Variants in PLB1 observed in about 807,000 individuals in gnomAD.
The protein encoded by PLB1 is phospholipase B1, membrane-associated.
In PLB1, 242 loss-of-function variants were observed where a neutral mutation model predicts 227.4. That is an observed-to-expected ratio of 1.06 (90% CI 0.96 to 1.18). PLB1 has a LOEUF of 1.18. Ranked by LOEUF, PLB1 falls within the 50% of genes most tolerant of loss-of-function variation. The pLI, the probability that PLB1 is intolerant of heterozygous loss-of-function variation, is 0.00. For synonymous variants in PLB1, 757 were observed against 682.2 expected (o/e 1.11, Z -1.71); for missense variants, 1,858 against 1,816.3 (o/e 1.02, Z -0.42).
rs143108189 is a variant in PLB1 at position 28,523,135 on chromosome 2, C to T, written c.244-2132C>T. ...GAAGTTCTGCAAATAACACTTGTGA[C>T]ACATGTTCAATATAAGAAAAAACAG... On this transcript the variant is annotated intron_variant, in intron 4 of 57. Coordinates refer to ENST00000327757, the MANE Select transcript of PLB1 (RefSeq NM_153021.5). Among the ~76,000 whole-genome samples the T allele has an allele frequency of 8.1e-3, 1,232 of 152,172 alleles. 23 individuals carry two copies. Among genetic ancestry groups the T allele is most frequent in the African/African-American group, 0.028 (1,179 of 41,474 alleles).
intron 56 of PLB1, among the ~76,000 whole-genome samples, chr2:28,636,037 GTGTGTATGTA>G (rs368910376): frequency 9.9e-6 from 1 of 101,242 alleles, no homozygotes; most frequent in Non-Finnish European, 2.4e-5. Context: ...GTATGTGTGT[GTGTGTATGTA>G]TGTGTATGTG....
chr2:28,515,194 A>G (rs1263568173), intron 1 of PLB1, among the ~76,000 whole-genome samples: 3 of 152,104 alleles, frequency 2.0e-5, no homozygotes, highest in African/African-American at 7.2e-5. Flanking sequence ...ATAGTCTCAA[A>G]TCTCTGCCCT....
chr2:28,634,552 A>G (rs1220967359), intron 56 of PLB1, among the ~76,000 whole-genome samples: 1 of 152,184 alleles, frequency 6.6e-6, no homozygotes, highest in Non-Finnish European at 1.5e-5. Context: ...CTGGGGCTGG[A>G]TAGCCATAGT....
rs770298616 is a variant in PLB1 at position 28,578,148 on chromosome 2, A to G, written c.1475A>G (p.Lys492Arg). The part of the protein sequence containing the change: ...VQARRLVDLM[K>R]NDTRIHFQED... ...GCCAGGAGGCTGGTGGACCTGATGA[A>G]GAATGACACGGTGGGTCCCTGGGAT... is the stretch of plus-strand genomic sequence containing the variant. Residue 492 changes from lysine (K) to arginine (R), a missense_variant, in exon 22 of 58, where the codon AAG becomes AGG. By Grantham distance (26) the Lys-to-Arg change is conservative. Coordinates refer to ENST00000327757, the MANE Select transcript of PLB1 (RefSeq NM_153021.5). 3 of 1,614,136 alleles carry G rather than the reference A, an allele frequency of 1.9e-6. No individual in the cohort carries two copies. In the South Asian group the frequency reaches 3.3e-5, roughly 18 times the overall value.
intron 44 of PLB1, among the ~76,000 whole-genome samples, chr2:28,614,704 C>T (rs1235251307): frequency 6.6e-6 from 1 of 152,186 alleles, no homozygotes; most frequent in African/African-American, 2.4e-5. Context: ...GTCTGTTGGT[C>T]ACCAGGATGG....
chr2:28,524,504 A>G (rs972835927), intron 4 of PLB1, among the ~76,000 whole-genome samples: 4 of 152,262 alleles, frequency 2.6e-5, no homozygotes, highest in East Asian at 1.9e-4. Flanking sequence ...TATGGATTCA[A>G]CATATATTTG....
rs73924304 is a variant in PLB1 at position 28,619,547 on chromosome 2, A to C, written c.3316-718A>C. Among the ~76,000 whole-genome samples the C allele has an allele frequency of 3.5e-3, 504 of 143,532 alleles. 5 individuals are homozygous for C. The highest frequency in any genetic ancestry group is 0.013 in the African/African-American group (479 of 38,258). The allele number at this position is 143,532 out of a possible 152,430, so 94.2% of individuals were successfully genotyped here. Reference sequence around the variant, plus strand: ...TTGTTTTTTTTTTTTTTTTTAAGACAGGGCATTTAGAGAAAGCTGTATAGA... The same window carrying C: ...TTGTTTTTTTTTTTTTTTTTAAGACCGGGCATTTAGAGAAAGCTGTATAGA... On this transcript the variant is annotated intron_variant, in intron 46 of 57. Transcript: ENST00000327757.
intron 45 of PLB1, among the ~76,000 whole-genome samples, 185 bp downstream of exon 45, chr2:28,617,972 T>C (rs372983188): frequency 1.4e-4 from 22 of 152,310 alleles, no homozygotes; most frequent in Non-Finnish European, 2.8e-4. Flanking sequence ...GAGCTCTCCA[T>C]TGGATGCTAC....
intron 14 of PLB1, among the ~76,000 whole-genome samples, chr2:28,545,257 GTGCAA>G (rs1673068965): frequency 7.2e-6 from 1 of 139,820 alleles, no homozygotes; most frequent in Non-Finnish European, 1.6e-5. Context: ...CCCAGTGCCA[GTGCAA>G]ACCCCAAGCT....
chr2:28,598,576 A>G (rs1160197581), intron 34 of PLB1, 76 bp from the exon 35 acceptor site: 5 of 1,177,132 alleles, frequency 4.2e-6, no homozygotes, highest in East Asian at 2.3e-5. Flanking sequence ...TTGGGGACCT[A>G]GGTCCCACAG....
intron 37 of PLB1, 52 bp downstream of exon 37, chr2:28,601,384 G>A: frequency 6.7e-7 from 1 of 1,501,722 alleles, no homozygotes; most frequent in Non-Finnish European, 9.2e-7. Flanking sequence ...TTGCCCAGTA[G>A]GCGTTGGAGA....
rs750505628 is a variant in PLB1 at position 28,626,413 on chromosome 2, C to G, written c.3580-15C>G. ...TCCCACCAAGGCCTAAACTCAGGAT[C>G]TTCTGTCCCCTCAGGACATCAACCT... is the stretch of plus-strand genomic sequence containing the variant. On this transcript the variant is annotated splice_polypyrimidine_tract_variant and intron_variant, in intron 50 of 57. Transcript: ENST00000327757. The G allele has an allele frequency of 6.2e-7, 1 of 1,612,078 alleles. No individual in the cohort carries two copies. The highest frequency in any genetic ancestry group is 8.5e-7 in the Non-Finnish European group (1 of 1,178,082).
chr2:28,576,478 C>T (rs568439396), intron 21 of PLB1, among the ~76,000 whole-genome samples: 1 of 152,262 alleles, frequency 6.6e-6, no homozygotes, highest in Admixed American at 6.5e-5. Context: ...GTCTGTAATC[C>T]CAGCACTTTG....
chr2:28,587,560 A>C (rs1681111857), intron 26 of PLB1, among the ~76,000 whole-genome samples: 2 of 151,820 alleles, frequency 1.3e-5, no homozygotes, highest in Admixed American at 1.3e-4. Flanking sequence ...CAGTGAGCCG[A>C]GATTGCACCG....
chr2:28,539,200 GAC>G (rs1672120635), intron 11 of PLB1, 22 bp downstream of exon 11: 3 of 1,593,978 alleles, frequency 1.9e-6, no homozygotes, highest in African/African-American at 2.7e-5. Flanking sequence ...AGTGGAATGA[GAC>G]ACGCATCTGT....
intron 1 of PLB1, among the ~76,000 whole-genome samples, chr2:28,515,833 A>G (rs142544655): frequency 2.4e-4 from 37 of 152,312 alleles, no homozygotes; most frequent in Non-Finnish European, 4.7e-4. Context: ...CTCTGATTAA[A>G]TCTCAGTATC....
At chr2:28,582,737 C>T (rs138339698) in intron 25 of PLB1, among the ~76,000 whole-genome samples, 19 of 152,324 alleles carry the variant, frequency 1.2e-4, no homozygotes, top group African/African-American at 4.6e-4. Flanking sequence ...CACCCCGCCT[C>T]TGTTGCCATG....
In PLB1 at chr2:28,596,292, C is replaced by T. The variant is rs72850438; in HGVS notation, c.2322-1713C>T. Among the ~76,000 whole-genome samples, 445 of 152,298 alleles carry T rather than the reference C, an allele frequency of 2.9e-3. 2 individuals carry two copies. The highest frequency in any genetic ancestry group is 0.01 in the African/African-American group (426 of 41,554). ...TATGGGTCTACTTCCTTTCACGTTT[C>T]ATGGTTCTGATCAAAATGAGAGTTT... On this transcript the variant is annotated intron_variant, in intron 33 of 57. Coordinates refer to ENST00000327757, the MANE Select transcript of PLB1 (RefSeq NM_153021.5).
rs1487508108 is a variant in PLB1, at chr2:28,550,073, G to A, written c.1072G>A (p.Asp358Asn). Reference sequence around the variant, plus strand: ...CCTGACCAGACTGCAGAAACCCCAAGACAAGCTTGAGGTAAGGAAAGGTTT... The same window carrying A: ...CCTGACCAGACTGCAGAAACCCCAAAACAAGCTTGAGGTAAGGAAAGGTTT... The part of the protein sequence containing the change: ...NYLTRLQKPQ[D>N]KLEVREGAEI... Residue 358 changes from aspartate to asparagine, a missense_variant, in exon 16 of 58, where the codon GAC becomes AAC. Coordinates refer to ENST00000327757, the MANE Select transcript of PLB1 (RefSeq NM_153021.5). 2.5e-6 allele frequency: 4 copies of A among 1,611,750 alleles called. No individual in the cohort carries two copies. The highest frequency in any genetic ancestry group is 1.3e-5 in the African/African-American group (1 of 74,828).
Sources: allele counts gnomAD v4.1 joint callset (sites outside exome capture counted in the v4.1 genomes callset), GRCh38; gene constraint gnomAD v4.1.1; transcripts MANE v1.5; gene names NCBI Gene and HGNC (gene_info 2026-07-23, HGNC 2026-07-21).